Variants in SIN3A observed in about 807,000 individuals in gnomAD.
The protein encoded by SIN3A is SIN3 transcription regulator family member A, also known as paired amphipathic helix protein Sin3a.
A neutral mutation model predicts 146.1 loss-of-function variants in SIN3A; 14 were observed. That is an observed-to-expected ratio of 0.10 (90% CI 0.06 to 0.15). SIN3A has a LOEUF of 0.15. SIN3A is among the 10% of genes least tolerant of loss of function. The probability of loss-of-function intolerance (pLI) is 1.00; values close to 1 mark genes in which losing one functional copy is unlikely to be tolerated. For missense variants in SIN3A, 1,028 were observed against 1,576.0 expected, an observed-to-expected ratio of 0.65 and a Z score of 5.89; for synonymous variants, 572 against 572.0, an observed-to-expected ratio of 1.00 and a Z score of 0.00.
Position 75,409,942 on chromosome 15 carries a change from T to G in SIN3A, c.1211A>C (p.His404Pro), listed in dbSNP as rs764342401. Reference sequence around the variant, plus strand: ...TTGGGGCTTCTTGACAGTGCCTCCATGATCATTTCTCACAGAATCAACCTT... The same window carrying G: ...TTGGGGCTTCTTGACAGTGCCTCCAGGATCATTTCTCACAGAATCAACCTT... ...AEKVDSVRNDHGGTVKKPQLN... is the reference protein window; with the variant it reads ...AEKVDSVRNDPGGTVKKPQLN... The change falls in exon 8 of 21, where the codon CAT (histidine) becomes CCT (proline). Residue 404 changes from histidine (H) to proline (P), a missense_variant. By Grantham distance (77) the His-to-Pro change is moderately conservative. Transcript: ENST00000394947. 1 of 1,614,148 alleles carries G rather than the reference T, an allele frequency of 6.2e-7. No individual in the cohort carries two copies. Among genetic ancestry groups the G allele is most frequent in the South Asian group, 1.1e-5 (1 of 91,082 alleles).
At chr15:75,398,949 A>G (rs2141448372) in intron 12 of SIN3A, among the ~76,000 whole-genome samples, 1 of 152,100 alleles carries the variant, frequency 6.6e-6, no homozygotes, top group South Asian at 2.1e-4. Flanking sequence ...TGATGAGTTG[A>G]TAGGTGCAGC....
At position 75,390,876 on chromosome 15, in the gene SIN3A, T is replaced by TA. The variant is rs575209416; in HGVS notation, c.2852-1056dup. Reference sequence around the variant, plus strand: ...CAGGTGTAAGCCACTGCACCCGGCCTATACATTGCACTTCAACAAAAAGTT... The same window carrying TA: ...CAGGTGTAAGCCACTGCACCCGGCCTAATACATTGCACTTCAACAAAAAGTT... On this transcript the variant is annotated intron_variant, in intron 15 of 20. Transcript: ENST00000394947. 1.3e-4 allele frequency among the ~76,000 whole-genome samples: 20 copies of TA among 152,316 alleles called. No individual in the cohort carries two copies. In the East Asian group the frequency reaches 3.9e-3, roughly 29 times the overall value.
chr15:75,400,898 G>C lies in SIN3A; in HGVS notation c.1569C>G (p.Gly523=), dbSNP rs146558430. The C allele has an allele frequency of 4.3e-6, 7 of 1,613,848 alleles. No individual in the cohort carries two copies. The African/African-American group carries it at 9.3e-5, about 22-fold the overall frequency. Residue 523 remains glycine (G), a synonymous_variant, in exon 11 of 21, where the codon GGC becomes GGG. Coordinates refer to ENST00000394947, the MANE Select transcript of SIN3A (RefSeq NM_001145358.2). ...ELFNWFKNFL[G]YKESVHLETY... Reference sequence around the variant, plus strand: ...TTTCCAGATGTACAGACTCCTTATAGCCCAGAAAGTTTTTAAACCAATTAA... The same window carrying C: ...TTTCCAGATGTACAGACTCCTTATACCCCAGAAAGTTTTTAAACCAATTAA...
At chr15:75,419,337 T>C (rs1175186565) in intron 3 of SIN3A, 1 of 152,178 alleles carries the variant, frequency 6.6e-6, no homozygotes, top group African/African-American at 2.4e-5. Flanking sequence ...TTGGAAGATA[T>C]TTAAGAATAG....
rs369954646 is a variant in SIN3A at position 75,444,346 on chromosome 15, C to G, written c.-34+7077G>C. ...ATCCCAGCTACTCGGGAGGTTGAGG[C>G]AGGAGAACCAGTTGAACCCAGGAGG... On this transcript the variant is annotated intron_variant, in intron 1 of 20. Transcript: ENST00000394947. Among the ~76,000 whole-genome samples, 3 of 152,074 alleles carry G rather than the reference C, an allele frequency of 2.0e-5. No homozygotes were observed. The East Asian group carries it at 5.8e-4, about 29-fold the overall frequency.
intron 1 of SIN3A, among the ~76,000 whole-genome samples, chr15:75,436,140 A>C (rs2074103913): frequency 6.6e-6 from 1 of 151,606 alleles, no homozygotes; most frequent in Non-Finnish European, 1.5e-5. Flanking sequence ...TCTCAAAAAA[A>C]AAACAAAAAA....
intron 1 of SIN3A, among the ~76,000 whole-genome samples, chr15:75,440,049 G>A (rs994520659): frequency 1.3e-5 from 2 of 151,574 alleles, no homozygotes; most frequent in African/African-American, 4.8e-5. Flanking sequence ...AACTTTGGAG[G>A]CTGAGGCAGG....
In SIN3A at chr15:75,392,699, C is replaced by A. The variant is rs2073229091; in HGVS notation, c.2394G>T (p.Val798=). Residue 798 remains valine (V), a synonymous_variant, in exon 15 of 21, where the codon GTG becomes GTT. Coordinates refer to ENST00000394947, the MANE Select transcript of SIN3A (RefSeq NM_001145358.2). The part of the protein sequence containing the change: ...EDAAALIIHH[V]KRQTGIQKED... ...CCTTCTGAATGCCTGTCTGCCTCTT[C>A]ACATGGTGGATAATCAGAGCAGCAG... 7 of 1,614,094 alleles carry A rather than the reference C, an allele frequency of 4.3e-6. No individual in the cohort carries two copies. Among genetic ancestry groups the A allele is most frequent in the Non-Finnish European group, 5.9e-6 (7 of 1,180,044 alleles).
At chr15:75,383,455 G>A (rs2073014765) in intron 17 of SIN3A, among the ~76,000 whole-genome samples, 1 of 151,278 alleles carries the variant, frequency 6.6e-6, no homozygotes, top group Non-Finnish European at 1.5e-5. Flanking sequence ...ACAGAGTCTT[G>A]CTCTGTCACC....
intron 12 of SIN3A, among the ~76,000 whole-genome samples, chr15:75,398,020 G>A (rs1472674258): frequency 6.6e-6 from 1 of 152,176 alleles, no homozygotes; most frequent in Non-Finnish European, 1.5e-5. Flanking sequence ...CAGGCAGCAT[G>A]TGGTTCTCAA....
At chr15:75,452,441 A>G (rs2074426053), upstream of SIN3A, among the ~76,000 whole-genome samples, 1 of 152,252 alleles carries the variant, frequency 6.6e-6, no homozygotes, top group Non-Finnish European at 1.5e-5. Context: ...CCTCACAAAA[A>G]AAATGAGAGA....
intron 1 of SIN3A, among the ~76,000 whole-genome samples, chr15:75,445,551 A>G (rs2074291891): frequency 6.6e-6 from 1 of 151,510 alleles, no homozygotes; most frequent in Non-Finnish European, 1.5e-5. Context: ...AGCCTGGGAG[A>G]CAGAGCAAAA....
At chr15:75,398,519 A>AC (rs200887304) in intron 12 of SIN3A, among the ~76,000 whole-genome samples, 1,651 of 151,786 alleles carry the variant, frequency 0.011, 11 homozygotes, top group Middle Eastern at 0.021. Flanking sequence ...CACTAAAAAT[A>AC]CAAAAAAAAT....
chr15:75,432,504 T>C (rs1184649766), intron 1 of SIN3A, among the ~76,000 whole-genome samples: 1 of 151,482 alleles, frequency 6.6e-6, no homozygotes, highest in Non-Finnish European at 1.5e-5. Flanking sequence ...CTGGCCAACA[T>C]GGTGAAACCC....
rs772099290 is a variant in SIN3A, at chr15:75,392,753, C to A, written c.2340G>T (p.Ala780=). 8 of 1,613,968 alleles carry A rather than the reference C, an allele frequency of 5.0e-6. No individual in the cohort carries two copies. In the East Asian group the frequency reaches 1.3e-4, roughly 27 times the overall value. The part of the protein sequence containing the change: ...GVPVGPHLSL[A]YEDKQILEDA... ...CTTCCAGTATTTGTTTGTCTTCATA[C>A]GCAAGTGAGAGGTGTGGGCCAACAG... The change falls in exon 15 of 21, where the codon GCG becomes GCT. Residue 780 remains alanine, a synonymous_variant. Coordinates refer to ENST00000394947, the MANE Select transcript of SIN3A (RefSeq NM_001145358.2).
intron 15 of SIN3A, among the ~76,000 whole-genome samples, chr15:75,390,928 G>C (rs893895500): frequency 6.6e-6 from 1 of 152,124 alleles, no homozygotes; most frequent in Non-Finnish European, 1.5e-5. Flanking sequence ...GTTACAAAAC[G>C]AACTATTTGT....
upstream of SIN3A, among the ~76,000 whole-genome samples, chr15:75,454,676 C>T (rs2074463064): frequency 6.6e-6 from 1 of 151,706 alleles, no homozygotes; most frequent in African/African-American, 2.4e-5. Flanking sequence ...TGGGCGCGCA[C>T]ACGCCCGCGC....
rs377263636 is a variant in SIN3A at position 75,374,128 on chromosome 15, C to T, written c.3591+1537G>A. Reference sequence around the variant, plus strand: ...CCAAAAAACCCCAAAACTAATCAGGCACCATCCTTGATGTCCTTCTTTTGC... The same window carrying T: ...CCAAAAAACCCCAAAACTAATCAGGTACCATCCTTGATGTCCTTCTTTTGC... On this transcript the variant is annotated intron_variant, in intron 20 of 20. Coordinates refer to ENST00000394947, the MANE Select transcript of SIN3A (RefSeq NM_001145358.2). 3.3e-4 allele frequency among the ~76,000 whole-genome samples: 50 copies of T among 152,334 alleles called. 1 individual carries two copies. The highest frequency in any genetic ancestry group is 1.1e-3 in the African/African-American group (47 of 41,570).
intron 8 of SIN3A, among the ~76,000 whole-genome samples, chr15:75,409,442 T>G (rs542367089): frequency 1.3e-5 from 2 of 151,854 alleles, no homozygotes; most frequent in South Asian, 2.1e-4. Context: ...GTTAACACAC[T>G]TAAGAACACA....
Sources: allele counts gnomAD v4.1 joint callset (sites outside exome capture counted in the v4.1 genomes callset), GRCh38; gene constraint gnomAD v4.1.1; transcripts MANE v1.5; gene names NCBI Gene and HGNC (gene_info 2026-07-23, HGNC 2026-07-21).